The following MACROD2 variants were observed in gnomAD, a reference collection of about 807,000 sequenced individuals.
The protein encoded by MACROD2 is mono-ADP ribosylhydrolase 2, also known as ADP-ribose glycohydrolase MACROD2.
MACROD2 carries 36 observed loss-of-function variants against 70.4 expected under a neutral mutation model. That is an observed-to-expected ratio of 0.51 (90% CI 0.39 to 0.68). The LOEUF is 0.68. MACROD2 is among the 30% of genes least tolerant of loss of function. MACROD2 has a pLI of 0.00. For missense variants in MACROD2, 496 were observed against 538.4 expected (o/e 0.92, Z 0.78); for synonymous variants, 172 against 178.8 (o/e 0.96, Z 0.30).
chr20:15,968,091 A>C (rs1447600685), intron 13 of MACROD2, among the ~76,000 whole-genome samples: 7 of 152,196 alleles, frequency 4.6e-5, no homozygotes, highest in African/African-American at 1.2e-4. Flanking sequence ...CAGTTCTTCC[A>C]CCCAAAACAT....
At chr20:14,726,407 A>G (rs992811458) in intron 5 of MACROD2, among the ~76,000 whole-genome samples, 1 of 152,132 alleles carries the variant, frequency 6.6e-6, no homozygotes, top group Non-Finnish European at 1.5e-5. Flanking sequence ...CTTGATCCTA[A>G]CTCCTGGGAT....
chr20:14,100,022 A>C, intron 3 of MACROD2, among the ~76,000 whole-genome samples: 1 of 152,176 alleles, frequency 6.6e-6, no homozygotes, highest in African/African-American at 2.4e-5. Flanking sequence ...GGGTTGTTTT[A>C]TGTAGTTCCT....
intron 6 of MACROD2, among the ~76,000 whole-genome samples, chr20:15,246,508 A>T (rs950327340): frequency 6.6e-6 from 1 of 151,370 alleles, no homozygotes; most frequent in African/African-American, 2.4e-5. Flanking sequence ...CCATCTTTTT[A>T]TTTTTTTTTA....
At chr20:14,355,107 A>AT (rs2083160186) in intron 3 of MACROD2, among the ~76,000 whole-genome samples, 1 of 152,098 alleles carries the variant, frequency 6.6e-6, no homozygotes, top group Admixed American at 6.5e-5. Flanking sequence ...TGGTAGAATG[A>AT]TTTGTTTTCT....
At chr20:15,855,630 G>A (rs1036903218) in intron 8 of MACROD2, among the ~76,000 whole-genome samples, 1 of 152,176 alleles carries the variant, frequency 6.6e-6, no homozygotes, top group African/African-American at 2.4e-5. Context: ...CCAGCATCCA[G>A]ATCAAAAAAC....
At chr20:15,121,841 GAT>G (rs1409632907) in intron 5 of MACROD2, among the ~76,000 whole-genome samples, 1 of 152,134 alleles carries the variant, frequency 6.6e-6, no homozygotes, top group Non-Finnish European at 1.5e-5. Context: ...AAACTAGGAT[GAT>G]GACTTCAAAA....
intron 6 of MACROD2, among the ~76,000 whole-genome samples, chr20:15,284,790 G>T (rs1205442225): frequency 6.6e-6 from 1 of 152,136 alleles, no homozygotes; most frequent in Non-Finnish European, 1.5e-5. Flanking sequence ...GTATACCCTT[G>T]CCTAGGTTAA....
chr20:15,601,352 C>A (rs2048817296), intron 8 of MACROD2, among the ~76,000 whole-genome samples: 2 of 152,148 alleles, frequency 1.3e-5, no homozygotes, highest in South Asian at 4.1e-4. Context: ...GTTCAAAACA[C>A]CTCCACTTAA....
At chr20:15,089,604 C>T (rs2075778097) in intron 5 of MACROD2, among the ~76,000 whole-genome samples, 1 of 152,032 alleles carries the variant, frequency 6.6e-6, no homozygotes. Context: ...AGCAAAAGGT[C>T]TCCTTTTGCT....
chr20:15,637,768 T>C (rs1172970011), intron 8 of MACROD2, among the ~76,000 whole-genome samples: 1 of 152,212 alleles, frequency 6.6e-6, no homozygotes, highest in Non-Finnish European at 1.5e-5. Context: ...TGGCAACCCC[T>C]CTTCCATGAT....
At chr20:16,005,543 A>G (rs1486381619) in intron 15 of MACROD2, among the ~76,000 whole-genome samples, 1 of 152,228 alleles carries the variant, frequency 6.6e-6, no homozygotes, top group Non-Finnish European at 1.5e-5. Flanking sequence ...TTTGAGGACC[A>G]GAGATAATCA....
intron 8 of MACROD2, among the ~76,000 whole-genome samples, chr20:15,708,919 A>AGCACTTTG (rs1444975518): frequency 3.3e-5 from 5 of 152,140 alleles, no homozygotes; most frequent in Non-Finnish European, 7.4e-5. Context: ...TAAGCAACTC[A>AGCACTTTG]GGAGGCTAAG....
At chr20:14,049,476 C>G (rs1223203276) in intron 2 of MACROD2, among the ~76,000 whole-genome samples, 2 of 151,620 alleles carry the variant, frequency 1.3e-5, no homozygotes, top group African/African-American at 4.8e-5. Context: ...CGAGGTGGCT[C>G]ACGCTTATAA....
chr20:15,215,305 A>G (rs2076800955), intron 5 of MACROD2, among the ~76,000 whole-genome samples: 1 of 136,472 alleles, frequency 7.3e-6, no homozygotes, highest in Admixed American at 7.2e-5. Flanking sequence ...TGTATTTTCA[A>G]CCAGGAAGCA....
chr20:14,774,476 C>G (rs988179900), intron 5 of MACROD2, among the ~76,000 whole-genome samples: 2 of 151,984 alleles, frequency 1.3e-5, no homozygotes, highest in African/African-American at 4.8e-5. Flanking sequence ...GGAACAGAGT[C>G]TTCTTGAATT....
At chr20:14,472,369 A>G (rs867179990) in intron 3 of MACROD2, among the ~76,000 whole-genome samples, 1 of 152,156 alleles carries the variant, frequency 6.6e-6, no homozygotes, top group African/African-American at 2.4e-5. Flanking sequence ...GCTTACTGTA[A>G]AATTGGCATT....
intron 6 of MACROD2, among the ~76,000 whole-genome samples, chr20:15,242,665 T>C (rs1671381009): frequency 6.6e-6 from 1 of 152,238 alleles, no homozygotes; most frequent in African/African-American, 2.4e-5. Context: ...TTAGTTCATA[T>C]TTGTGGTATC....
chr20:14,080,336 A>T (rs2053972671), intron 2 of MACROD2, among the ~76,000 whole-genome samples: 1 of 149,654 alleles, frequency 6.7e-6, no homozygotes, highest in Non-Finnish European at 1.5e-5. Context: ...CCAGCTACTC[A>T]GGAGGCTGAA....
intron 6 of MACROD2, among the ~76,000 whole-genome samples, chr20:15,345,050 AAGTGG>A (rs774789292): frequency 4.6e-5 from 7 of 152,242 alleles, no homozygotes; most frequent in South Asian, 2.1e-4. Context: ...TATCATCACA[AAGTGG>A]AGAACAGAGG....
Sources: allele counts gnomAD v4.1 joint callset (sites outside exome capture counted in the v4.1 genomes callset), GRCh38; gene constraint gnomAD v4.1.1; transcripts MANE v1.5; gene names NCBI Gene and HGNC (gene_info 2026-07-23, HGNC 2026-07-21).